Variants in CD300A observed in about 807,000 individuals in gnomAD.
The protein encoded by CD300A is CMRF35-like molecule 8.
CD300A carries 22 observed loss-of-function variants against 33.6 expected under a neutral mutation model. The ratio of observed to expected loss-of-function variants is 0.66; its 90% CI spans 0.47 to 0.94. The LOEUF (loss-of-function observed/expected upper bound fraction) is 0.94. CD300A is among the 40% of genes least tolerant of loss of function. The probability of loss-of-function intolerance (pLI) is 0.00; values close to 1 mark genes in which losing one functional copy is unlikely to be tolerated. For missense variants in CD300A, 326 were observed against 360.5 expected, an observed-to-expected ratio of 0.90 and a Z score of 0.77; for synonymous variants, 136 against 148.1, an observed-to-expected ratio of 0.92 and a Z score of 0.59.
In CD300A at chr17:74,481,745, T is replaced by A; in HGVS notation, c.686T>A (p.Leu229Gln). ...NPKQAATQSE[L>Q]HYANLELLMW... Reference sequence around the variant, plus strand: ...ACCCAGGCTGCCACGCAGAGTGAGCTGCACTACGCAAATCTGGAGCTGCTG... The same window carrying A: ...ACCCAGGCTGCCACGCAGAGTGAGCAGCACTACGCAAATCTGGAGCTGCTG... The change falls in exon 6 of 7, where the codon CTG (leucine) becomes CAG (glutamine). Residue 229 changes from leucine to glutamine, a missense_variant. Physicochemically the swap from Leu to Gln is moderately radical, Grantham distance 113 (BLOSUM62 -2). Coordinates refer to ENST00000360141, the MANE Select transcript of CD300A (RefSeq NM_007261.4). The A allele has an allele frequency of 6.2e-7, 1 of 1,611,570 alleles. No individual in the cohort carries two copies. Among genetic ancestry groups the A allele is most frequent in the Non-Finnish European group, 8.5e-7 (1 of 1,179,220 alleles).
At chr17:74,477,309 C>T (rs1038993515) in intron 3 of CD300A, 127 bp from the exon 4 acceptor site, 1 of 614,966 alleles carries the variant, frequency 1.6e-6, no homozygotes, top group Non-Finnish European at 2.8e-6. Flanking sequence ...CCATGATCAC[C>T]ACTGCACTCC....
chr17:74,471,190 G>C (rs1906077910), intron 1 of CD300A, among the ~76,000 whole-genome samples: 1 of 152,190 alleles, frequency 6.6e-6, no homozygotes, highest in Non-Finnish European at 1.5e-5. Flanking sequence ...CTTAATATGT[G>C]TCAATTTTAG....
chr17:74,474,166 G>A (rs1906305585), intron 2 of CD300A, among the ~76,000 whole-genome samples: 1 of 138,250 alleles, frequency 7.2e-6, no homozygotes, highest in Non-Finnish European at 1.5e-5. Flanking sequence ...GAGTGGGGGA[G>A]GGGTGGGGCT....
intron 6 of CD300A, 114 bp from the exon 7 acceptor site, chr17:74,483,887 T>C: frequency 1.7e-6 from 2 of 1,209,936 alleles, no homozygotes; most frequent in Non-Finnish European, 2.3e-6. Flanking sequence ...GTGGAGCCTC[T>C]ACAGTGAGGC....
chr17:74,483,948 C>T, intron 6 of CD300A, 53 bp from the exon 7 acceptor site: 1 of 1,599,642 alleles, frequency 6.3e-7, no homozygotes, highest in Non-Finnish European at 8.5e-7. Context: ...TGTTGGGGGT[C>T]CTTTCTTCCC....
chr17:74,476,089 T>C (rs376775093), intron 3 of CD300A, among the ~76,000 whole-genome samples: 2 of 152,186 alleles, frequency 1.3e-5, no homozygotes, highest in Non-Finnish European at 2.9e-5. Flanking sequence ...AGAGTTTTTA[T>C]TGGGGTTTCA....
intron 4 of CD300A, among the ~76,000 whole-genome samples, chr17:74,479,329 C>G (rs939644530): frequency 7.9e-5 from 12 of 152,132 alleles, no homozygotes; most frequent in African/African-American, 1.2e-4. Flanking sequence ...CTCGACCCCC[C>G]ACTGCCCGGG....
rs1437457357 is a variant in CD300A, at chr17:74,474,697, A to AG, written c.533+13dup. On this transcript the variant is annotated intron_variant, in intron 3 of 6. Transcript: ENST00000360141. Reference sequence around the variant, plus strand: ...GTGGTGAACTCACAGTAAGCACCCTAGCCCCTGAGACATGGAGGGGGCCCT... The same window carrying AG: ...GTGGTGAACTCACAGTAAGCACCCTAGGCCCCTGAGACATGGAGGGGGCCCT... 6.2e-7 allele frequency: 1 copy of AG among 1,613,550 alleles called. No individual in the cohort carries two copies. Among genetic ancestry groups the AG allele is most frequent in the African/African-American group, 1.3e-5 (1 of 75,062 alleles).
intron 2 of CD300A, 86 bp from the exon 3 acceptor site, chr17:74,474,446 G>A (rs958250365): frequency 1.2e-5 from 17 of 1,378,080 alleles, no homozygotes; most frequent in Non-Finnish European, 1.5e-5. Flanking sequence ...TGGGCAGTTT[G>A]TGTGAAATCA....
At position 74,484,468 on chromosome 17, in the gene CD300A, C is replaced by T. The variant is rs1485589398; in HGVS notation, c.*342C>T. The T allele has an allele frequency of 5.2e-6, 1 of 191,108 alleles. No homozygotes were observed. The highest frequency in any genetic ancestry group is 1.4e-4 in the East Asian group (1 of 7,404). 11.8% of individuals were successfully genotyped at this position (191,108 alleles called of 1,614,324 possible). Reference sequence around the variant, plus strand: ...AAAGATGTGGCTCACGTAGGTGGCACCTGCCAATAGCTTTGTCAATCACAG... The same window carrying T: ...AAAGATGTGGCTCACGTAGGTGGCATCTGCCAATAGCTTTGTCAATCACAG... On this transcript the variant is annotated 3_prime_UTR_variant, in exon 7 of 7. Coordinates refer to ENST00000360141, the MANE Select transcript of CD300A (RefSeq NM_007261.4).
chr17:74,483,707 C>T (rs1401623466), intron 6 of CD300A, among the ~76,000 whole-genome samples: 1 of 151,708 alleles, frequency 6.6e-6, no homozygotes, highest in East Asian at 1.9e-4. Flanking sequence ...GGGAGCCCAG[C>T]CAGGTCTCAG....
intron 4 of CD300A, among the ~76,000 whole-genome samples, chr17:74,478,073 G>T (rs1387426265): frequency 2.0e-5 from 3 of 152,170 alleles, no homozygotes; most frequent in Non-Finnish European, 4.4e-5. Context: ...CCAACTTCTT[G>T]TATCTCCTTT....
At position 74,483,987 on chromosome 17, in the gene CD300A, G is replaced by A. The variant is rs1387812936; in HGVS notation, c.775-14G>A. On this transcript the variant is annotated splice_polypyrimidine_tract_variant and intron_variant, in intron 6 of 6. Transcript: ENST00000360141. ...CCTCTCCCAAGTCTTCAGTTTCTTG[G>A]TTTCTCTCTGCAGGCCTCCCCCAGG... is the stretch of plus-strand genomic sequence containing the variant. 1 of 1,612,858 alleles carries A rather than the reference G, an allele frequency of 6.2e-7. No homozygotes were observed. Among genetic ancestry groups the A allele is most frequent in the Non-Finnish European group, 8.5e-7 (1 of 1,179,238 alleles).
intron 3 of CD300A, among the ~76,000 whole-genome samples, 186 bp downstream of exon 3, chr17:74,474,871 G>A (rs1461347572): frequency 7.0e-6 from 1 of 142,390 alleles, no homozygotes; most frequent in Non-Finnish European, 1.5e-5. Flanking sequence ...GGGGGCTCAG[G>A]TAGGGGGGAA....
chr17:74,469,654 G>A lies in CD300A; in HGVS notation c.40+2911G>A, dbSNP rs544072537. 8.5e-5 allele frequency among the ~76,000 whole-genome samples: 13 copies of A among 152,114 alleles called. No homozygotes were observed. In the East Asian group the frequency reaches 2.3e-3, roughly 27 times the overall value. On this transcript the variant is annotated intron_variant, in intron 1 of 6. Coordinates refer to ENST00000360141, the MANE Select transcript of CD300A (RefSeq NM_007261.4). Reference sequence around the variant, plus strand: ...AGCCTGGCCAACATGGTGAAACCCCGTGTCTCCTAAAAACACAAAATTAGC... The same window carrying A: ...AGCCTGGCCAACATGGTGAAACCCCATGTCTCCTAAAAACACAAAATTAGC...
At chr17:74,477,551 C>G (rs1408691917) in intron 4 of CD300A, 21 bp downstream of exon 4, 1 of 1,579,630 alleles carries the variant, frequency 6.3e-7, no homozygotes, top group East Asian at 2.2e-5. Context: ...TCCCCACACC[C>G]CTCTGCCCCA....
chr17:74,474,005 G>C, intron 2 of CD300A, 131 bp downstream of exon 2: 1 of 1,049,064 alleles, frequency 9.5e-7, no homozygotes, highest in Non-Finnish European at 1.4e-6. Context: ...GGGGGCCAGG[G>C]GAACACAGTC....
At chr17:74,470,901 T>A (rs988923938) in intron 1 of CD300A, among the ~76,000 whole-genome samples, 1 of 152,010 alleles carries the variant, frequency 6.6e-6, no homozygotes, top group Middle Eastern at 3.4e-3. Context: ...ATCCTCCCAC[T>A]TTGGCCTCCC....
intron 4 of CD300A, among the ~76,000 whole-genome samples, chr17:74,478,764 T>A (rs988324520): frequency 6.6e-6 from 1 of 152,200 alleles, no homozygotes; most frequent in Non-Finnish European, 1.5e-5. Flanking sequence ...GATAAGCTGC[T>A]GCATGCTTGG....
Sources: gnomAD v4.1 joint callset for allele counts (sites outside exome capture counted in the v4.1 genomes callset) on GRCh38, gnomAD v4.1.1 for gene constraint, MANE v1.5 for transcripts, NCBI Gene and HGNC (gene_info 2026-07-23, HGNC 2026-07-21) for gene names.